The following FBXW7 variants were observed in gnomAD, a reference collection of about 807,000 sequenced individuals.
The protein encoded by FBXW7 is F-box/WD repeat-containing protein 7.
FBXW7 carries 11 observed loss-of-function variants against 86.3 expected under a neutral mutation model. That is an observed-to-expected ratio of 0.13 (90% CI 0.08 to 0.21). The LOEUF (loss-of-function observed/expected upper bound fraction) is 0.21, where lower values mean the gene tolerates loss of function less well. Among genes scored for constraint, FBXW7 ranks in the 10% least tolerant of loss-of-function variants. The probability of loss-of-function intolerance (pLI) is 1.00; values close to 1 mark genes in which losing one functional copy is unlikely to be tolerated. For synonymous variants in FBXW7, 313 were observed against 297.9 expected (o/e 1.05, Z -0.52); for missense variants, 488 against 847.4 (o/e 0.58, Z 5.27).
intron 2 of FBXW7, among the ~76,000 whole-genome samples, chr4:152,525,096 T>C (rs1344694934): frequency 1.3e-5 from 2 of 152,170 alleles, no homozygotes; most frequent in African/African-American, 4.8e-5. Context: ...CTATGAAATG[T>C]AAAGATCCCT....
At chr4:152,393,640 C>T (rs931194097) in intron 4 of FBXW7, among the ~76,000 whole-genome samples, 2 of 152,108 alleles carry the variant, frequency 1.3e-5, no homozygotes, top group Admixed American at 6.6e-5. Flanking sequence ...ATAGAACCAA[C>T]ATCTGTAGCT....
At chr4:152,474,811 G>A (rs867262524) in intron 2 of FBXW7, among the ~76,000 whole-genome samples, 1 of 151,996 alleles carries the variant, frequency 6.6e-6, no homozygotes, top group Admixed American at 6.5e-5. Flanking sequence ...GACTACAGGC[G>A]CACGCCACCA....
intron 2 of FBXW7, among the ~76,000 whole-genome samples, chr4:152,486,721 G>C (rs1745376205): frequency 6.6e-6 from 1 of 151,866 alleles, no homozygotes; most frequent in African/African-American, 2.4e-5. Context: ...ATAAGTAGAA[G>C]TACATTCAAA....
chr4:152,513,207 GGCCTGAATTGA>G (rs1404759058), intron 2 of FBXW7, among the ~76,000 whole-genome samples: 1 of 151,946 alleles, frequency 6.6e-6, no homozygotes, highest in African/African-American at 2.4e-5. Context: ...AAATTATGCC[GGCCTGAATTGA>G]GTATTTAATA....
At chr4:152,461,008 C>T (rs1231690805) in intron 2 of FBXW7, among the ~76,000 whole-genome samples, 1 of 152,182 alleles carries the variant, frequency 6.6e-6, no homozygotes, top group Non-Finnish European at 1.5e-5. Flanking sequence ...TGGCCGAGCA[C>T]AGTGGCTCAC....
In FBXW7 at chr4:152,406,717, G is replaced by A. The variant is rs916617617; in HGVS notation, c.501+4586C>T. On this transcript the variant is annotated intron_variant, in intron 4 of 13. Coordinates refer to ENST00000281708, the MANE Select transcript of FBXW7 (RefSeq NM_001349798.2). ...ATTTTATCAACTAGGGAGATCTGTG[G>A]GTAGCATCGACTTCAAAATTTATGT... Among the ~76,000 whole-genome samples the A allele has an allele frequency of 7.9e-5, 12 of 152,146 alleles. No homozygotes were observed. The East Asian group carries it at 1.9e-3, about 24-fold the overall frequency.
chr4:152,367,393 TA>T (rs1276350765), intron 4 of FBXW7, among the ~76,000 whole-genome samples: 2 of 152,118 alleles, frequency 1.3e-5, no homozygotes, highest in Non-Finnish European at 2.9e-5. Flanking sequence ...CTACATATGT[TA>T]CACAAAATTG....
At chr4:152,504,737 T>C (rs2149705550) in intron 2 of FBXW7, among the ~76,000 whole-genome samples, 1 of 152,312 alleles carries the variant, frequency 6.6e-6, no homozygotes, top group Non-Finnish European at 1.5e-5. Context: ...TTACTTCCGG[T>C]AAAAAGTTAG....
chr4:152,411,049 A>C, intron 4 of FBXW7: 1 of 571,678 alleles, frequency 1.7e-6, no homozygotes. Context: ...TTTAGACGAA[A>C]ATTTGATGTT....
At chr4:152,387,915 G>A (rs1410650981) in intron 4 of FBXW7, among the ~76,000 whole-genome samples, 1 of 151,754 alleles carries the variant, frequency 6.6e-6, no homozygotes, top group Non-Finnish European at 1.5e-5. Flanking sequence ...TTACTATGTT[G>A]GCCAGGCTGG....
chr4:152,425,994 C>T (rs969302252), intron 2 of FBXW7, among the ~76,000 whole-genome samples: 3 of 152,186 alleles, frequency 2.0e-5, no homozygotes, highest in African/African-American at 4.8e-5. Context: ...CCTGCCTACA[C>T]CCCAAGAATT....
At chr4:152,427,488 T>C (rs1337374355) in intron 2 of FBXW7, among the ~76,000 whole-genome samples, 1 of 152,236 alleles carries the variant, frequency 6.6e-6, no homozygotes. Context: ...AGGCTTCCAA[T>C]TAACCTCTGC....
chr4:152,329,794 A>G lies in FBXW7; in HGVS notation c.1123-9T>C, dbSNP rs1729381334. On this transcript the variant is annotated splice_polypyrimidine_tract_variant and intron_variant, in intron 9 of 13. Transcript: ENST00000281708. ...TCATGTCCTTTCAGCACCTATAAGA[A>G]AGATGTGCAGATTAGAAATATGTTA... The G allele has an allele frequency of 2.1e-6, 3 of 1,458,106 alleles. No individual in the cohort carries two copies. Among genetic ancestry groups the G allele is most frequent in the Admixed American group, 2.3e-5 (1 of 43,322 alleles). 90.3% of individuals were successfully genotyped at this position (1,458,106 alleles called of 1,614,324 possible).
intron 2 of FBXW7, chr4:152,530,344 C>T (rs907924528): frequency 6.6e-6 from 1 of 152,096 alleles, no homozygotes; most frequent in African/African-American, 2.4e-5. Flanking sequence ...TCATATTATT[C>T]AAACCAACCA....
intron 4 of FBXW7, among the ~76,000 whole-genome samples, chr4:152,353,334 A>G (rs1450983321): frequency 6.6e-6 from 1 of 152,186 alleles, no homozygotes; most frequent in Admixed American, 6.5e-5. Context: ...TTTGGAGCCG[A>G]CAGCATTTGC....
At chr4:152,348,673 C>A in intron 5 of FBXW7, 1 of 1,097,120 alleles carries the variant, frequency 9.1e-7, no homozygotes, top group South Asian at 1.5e-5. Context: ...CAATGTAATA[C>A]CTTTGTCCTG....
intron 4 of FBXW7, chr4:152,382,274 GCAC>G: frequency 6.2e-7 from 1 of 1,603,580 alleles, no homozygotes; most frequent in Non-Finnish European, 8.5e-7. Context: ...AGGCTCTTTT[GCAC>G]TTTTAAGATC....
intron 4 of FBXW7, among the ~76,000 whole-genome samples, chr4:152,407,001 C>T (rs1737478237): frequency 6.6e-6 from 1 of 152,242 alleles, no homozygotes; most frequent in East Asian, 1.9e-4. Flanking sequence ...CTGAGTGTCC[C>T]AGGCACTATG....
chr4:152,486,053 A>T (rs1009520334), intron 2 of FBXW7, among the ~76,000 whole-genome samples: 2 of 152,190 alleles, frequency 1.3e-5, no homozygotes, highest in Non-Finnish European at 2.9e-5. Context: ...ACTGCCTGGT[A>T]ACTGTAACAT....
Sources: gnomAD v4.1 joint callset for allele counts (sites outside exome capture counted in the v4.1 genomes callset) on GRCh38, gnomAD v4.1.1 for gene constraint, MANE v1.5 for transcripts, NCBI Gene and HGNC (gene_info 2026-07-23, HGNC 2026-07-21) for gene names.